NLGN2: variants seen among roughly 807,000 people sequenced by gnomAD.
NLGN2 encodes neuroligin 2.
A neutral mutation model predicts 48.6 loss-of-function variants in NLGN2; 11 were observed. That is an observed-to-expected ratio of 0.23 (90% CI 0.14 to 0.37). NLGN2 has a LOEUF of 0.37. NLGN2 is among the 10% of genes least tolerant of loss of function. The pLI is 1.00. For missense variants in NLGN2, 801 were observed against 1,225.2 expected (o/e 0.65, Z 5.17); for synonymous variants, 548 against 550.0 (o/e 1.00, Z 0.05).
Position 7,411,288 on chromosome 17 carries a change from G to A in NLGN2, c.458-869G>A, listed in dbSNP as rs1359144857. ...GGGGAGGCAGCGGCTGGTGGCCCTG[G>A]TGGGAAATTCACCATTTTGGGGGGA... On this transcript the variant is annotated intron_variant, in intron 1 of 6. Coordinates refer to ENST00000302926, the MANE Select transcript of NLGN2 (RefSeq NM_020795.4). This position sits in a 1 kb window ranked among gnomAD's most constrained non-coding sequence, Gnocchi z 4.5. 6.6e-6 allele frequency among the ~76,000 whole-genome samples: 1 copy of A among 152,202 alleles called. No individual in the cohort carries two copies. Among genetic ancestry groups the A allele is most frequent in the Non-Finnish European group, 1.5e-5 (1 of 68,020 alleles).
rs1323088074 is a variant in NLGN2, at chr17:7,411,129, G to C, written c.458-1028G>C. Among the ~76,000 whole-genome samples, 1 of 152,238 alleles carries C rather than the reference G, an allele frequency of 6.6e-6. No homozygotes were observed. Among genetic ancestry groups the C allele is most frequent in the Non-Finnish European group, 1.5e-5 (1 of 68,040 alleles). On this transcript the variant is annotated intron_variant, in intron 1 of 6. Coordinates refer to ENST00000302926, the MANE Select transcript of NLGN2 (RefSeq NM_020795.4). The surrounding 1 kb of genome is among the most constrained non-coding windows in gnomAD (Gnocchi z 4.5). ...AGAAGCCCTGACACTGGGCGAACCT[G>C]GTGCTCCCGGTACCTGCTGGCACCT...
chr17:7,406,653 CG>C (rs71157283), upstream of NLGN2, among the ~76,000 whole-genome samples: 627 of 90,186 alleles, frequency 7.0e-3, 3 homozygotes, highest in Middle Eastern at 0.02. Context: ...GGTGGGGGGG[CG>C]GGGGGGGGGC....
rs768323279 is a variant in NLGN2, at chr17:7,408,705, C to A, written c.450C>A (p.Thr150=). The change falls in exon 1 of 7, where the codon ACC becomes ACA. Residue 150 remains threonine, a synonymous_variant. Transcript: ENST00000302926. The surrounding 1 kb of genome is among the most constrained non-coding windows in gnomAD (Gnocchi z 7.5). ...DCLYLNLYVP[T]EDGPLTKKRD... is the part of the protein sequence containing the mutation. Reference sequence around the variant, plus strand: ...TGTACCTCAACCTCTACGTGCCCACCGAGGACGGTAAGGGCGCGGGCACAA... The same window carrying A: ...TGTACCTCAACCTCTACGTGCCCACAGAGGACGGTAAGGGCGCGGGCACAA... The A allele has an allele frequency of 1.6e-5, 26 of 1,612,818 alleles. No homozygotes were observed. Among genetic ancestry groups the A allele is most frequent in the Non-Finnish European group, 2.0e-5 (24 of 1,179,640 alleles).
In NLGN2 at chr17:7,417,640, GGCCCCCGGGGCCCTGAC is replaced by G; in HGVS notation, c.2350_2366del (p.Ala784ProfsTer208). ...GGGCACCGGACGATGTGCCTCTCTT[GGCCCCCGGGGCCCTGAC>G]CCTGCTGCCCAGTGGCCTGGGGCCA... is the stretch of plus-strand genomic sequence containing the variant. On this transcript the variant is annotated frameshift_variant, in exon 7 of 7. Coordinates refer to ENST00000302926, the MANE Select transcript of NLGN2 (RefSeq NM_020795.4). LOFTEE classifies it high-confidence loss of function. The G allele has an allele frequency of 1.4e-6, 2 of 1,404,530 alleles. No homozygotes were observed. The highest frequency in any genetic ancestry group is 1.5e-5 in the African/African-American group (1 of 65,990). The allele number at this position is 1,404,530 out of a possible 1,614,324, so 87.0% of individuals were successfully genotyped here.
chr17:7,412,893 T>TTATC, intron 2 of NLGN2, among the ~76,000 whole-genome samples: 1 of 103,854 alleles, frequency 9.6e-6, no homozygotes, highest in South Asian at 2.9e-4. Flanking sequence ...TTGGTTGTTT[T>TTATC]TTTCTTTCTT....
At position 7,413,540 on chromosome 17, in the gene NLGN2, C is replaced by T. The variant is rs1906980406; in HGVS notation, c.509-804C>T. Among the ~76,000 whole-genome samples the T allele has an allele frequency of 6.6e-6, 1 of 152,144 alleles. No homozygotes were observed. Among genetic ancestry groups the T allele is most frequent in the Non-Finnish European group, 1.5e-5 (1 of 68,018 alleles). On this transcript the variant is annotated intron_variant, in intron 2 of 6. Coordinates refer to ENST00000302926, the MANE Select transcript of NLGN2 (RefSeq NM_020795.4). The surrounding 1 kb of genome is among the most constrained non-coding windows in gnomAD (Gnocchi z 4.9). ...GGCAAGCACTCTCAGACTCCCACAT[C>T]CTCTGGAATTAGTCACCCTTCAGTC... is the stretch of plus-strand genomic sequence containing the variant.
At position 7,417,166 on chromosome 17, in the gene NLGN2, C is replaced by T. The variant is rs758643283; in HGVS notation, c.1875C>T (p.Tyr625=). The stretch of plus-strand genomic sequence containing the variant: ...CCACCACCACGCGCCTGCCTCCCTA[C>T]GCCACGCGCTGGCCGCCTCGTCCCC... ...LFTTTTRLPP[Y]ATRWPPRPPA... The change falls in exon 7 of 7, where the codon TAC becomes TAT. Residue 625 remains tyrosine (Y), a synonymous_variant. Coordinates refer to ENST00000302926, the MANE Select transcript of NLGN2 (RefSeq NM_020795.4). 2.3e-5 allele frequency: 37 copies of T among 1,597,210 alleles called. No homozygotes were observed. The highest frequency in any genetic ancestry group is 5.4e-5 in the African/African-American group (4 of 74,610).
Position 7,415,587 on chromosome 17 carries a change from G to A in NLGN2, c.1114G>A (p.Glu372Lys). ...DDPEILMQQG[E>K]FLNYDMLIGV... is the part of the protein sequence containing the mutation. ...CCCTGAGATCCTCATGCAGCAGGGA[G>A]AATTCCTCAACTACGACATGCTCAT... Residue 372 changes from glutamate (E) to lysine (K), a missense_variant, in exon 6 of 7, where the codon GAA becomes AAA. Glu to Lys is a moderately conservative substitution (Grantham distance 56, BLOSUM62 1). Transcript: ENST00000302926. The A allele has an allele frequency of 6.2e-7, 1 of 1,614,134 alleles. No homozygotes were observed. Among genetic ancestry groups the A allele is most frequent in the Non-Finnish European group, 8.5e-7 (1 of 1,179,948 alleles).
intron 1 of NLGN2, among the ~76,000 whole-genome samples, chr17:7,409,836 A>G (rs1906803305): frequency 6.6e-6 from 1 of 152,124 alleles, no homozygotes. Flanking sequence ...CCAGCACCCC[A>G]CAATCACAAT....
chr17:7,414,324 G>C lies in NLGN2; in HGVS notation c.509-20G>C, dbSNP rs929970422. ...TTGTCCCTGACCCCCTGGCCCACCTGCCCACCCCTCCCCACACAGATATCC... is the reference window on the plus strand; with the variant it reads ...TTGTCCCTGACCCCCTGGCCCACCTCCCCACCCCTCCCCACACAGATATCC... On this transcript the variant is annotated intron_variant, in intron 2 of 6. Transcript: ENST00000302926. 4 of 1,434,842 alleles carry C rather than the reference G, an allele frequency of 2.8e-6. No individual in the cohort carries two copies. In the Admixed American group the frequency reaches 6.8e-5, roughly 24 times the overall value. 88.9% of individuals were successfully genotyped at this position (1,434,842 alleles called of 1,614,324 possible).
rs560708292 is a variant in NLGN2, at chr17:7,412,026, C to A, written c.458-131C>A. On this transcript the variant is annotated intron_variant, in intron 1 of 6. Transcript: ENST00000302926. ...AACAAATTTTGCTTTTTTTTGGCTTCTTTTTTCTGCCTCCCCCACCCTCCC... is the reference window on the plus strand; with the variant it reads ...AACAAATTTTGCTTTTTTTTGGCTTATTTTTTCTGCCTCCCCCACCCTCCC... 321 of 548,340 alleles carry A rather than the reference C, an allele frequency of 5.9e-4. 1 individual carries two copies. Among genetic ancestry groups the A allele is most frequent in the Non-Finnish European group, 7.8e-4 (240 of 308,916 alleles). 34.0% of individuals were successfully genotyped at this position (548,340 alleles called of 1,614,324 possible). A position where few individuals can be genotyped will look rare whatever the true frequency, so the allele number is the denominator to read the frequency against.
intron 5 of NLGN2, 71 bp downstream of exon 5, chr17:7,415,219 G>A (rs1237333541): frequency 3.5e-6 from 5 of 1,421,278 alleles, no homozygotes; most frequent in Non-Finnish European, 4.7e-6. Flanking sequence ...GGTGCCTGTG[G>A]GCATACCATT....
At chr17:7,410,328 A>C (rs1906829088) in intron 1 of NLGN2, among the ~76,000 whole-genome samples, 1 of 151,580 alleles carries the variant, frequency 6.6e-6, no homozygotes, top group Non-Finnish European at 1.5e-5. Context: ...CCATACACAC[A>C]ATGCACAGAG....
chr17:7,417,808 T>C lies in NLGN2; in HGVS notation c.*9T>C, dbSNP rs773612833. On this transcript the variant is annotated 3_prime_UTR_variant, in exon 7 of 7. Transcript: ENST00000302926. ...CCACCACTCGGGTATAGGGGGTGGGTGGGGAGGCCCTCCTCCCCGGCCCTC... is the reference window on the plus strand; with the variant it reads ...CCACCACTCGGGTATAGGGGGTGGGCGGGGAGGCCCTCCTCCCCGGCCCTC... 1.5e-6 allele frequency: 2 copies of C among 1,316,930 alleles called. No individual in the cohort carries two copies. Among genetic ancestry groups the C allele is most frequent in the Admixed American group, 4.2e-5 (1 of 23,972 alleles). The allele number at this position is 1,316,930 out of a possible 1,614,324, so 81.6% of individuals were successfully genotyped here.
rs543832284 is a variant in NLGN2 at position 7,417,056 on chromosome 17, G to A, written c.1765G>A (p.Val589Met). ...TCTGCACATAGGCCTGAAGCCACGC[G>A]TGCGTGACAACTACCGCGCCAACAA... The part of the protein sequence containing the change: ...QYLHIGLKPR[V>M]RDNYRANKVA... The change falls in exon 7 of 7, where the codon GTG (valine) becomes ATG (methionine). Residue 589 changes from valine to methionine, a missense_variant. Around this residue, in one of 5 missense-constraint regions of NLGN2, gnomAD observed 303 missense variants for 600.1 expected, o/e 0.50. Transcript: ENST00000302926. 22 of 1,614,092 alleles carry A rather than the reference G, an allele frequency of 1.4e-5. No homozygotes were observed. Among genetic ancestry groups the A allele is most frequent in the South Asian group, 3.3e-5 (3 of 91,082 alleles).
Position 7,417,653 on chromosome 17 carries a change from C to T in NLGN2, c.2362C>T (p.Leu788=), listed in dbSNP as rs1315223794. 7.1e-7 allele frequency: 1 copy of T among 1,401,426 alleles called. No individual in the cohort carries two copies. Among genetic ancestry groups the T allele is most frequent in the Admixed American group, 3.2e-5 (1 of 31,558 alleles). 86.8% of individuals were successfully genotyped at this position (1,401,426 alleles called of 1,614,324 possible). The change falls in exon 7 of 7, where the codon CTG becomes TTG. Residue 788 remains leucine, a synonymous_variant. Transcript: ENST00000302926. The part of the protein sequence containing the change: ...DDVPLLAPGA[L]TLLPSGLGPP... ...TGTGCCTCTCTTGGCCCCCGGGGCC[C>T]TGACCCTGCTGCCCAGTGGCCTGGG... is the stretch of plus-strand genomic sequence containing the variant.
In NLGN2 at chr17:7,408,754, C is replaced by A; in HGVS notation, c.457+42C>A. 6.2e-7 allele frequency: 1 copy of A among 1,610,928 alleles called. No individual in the cohort carries two copies. Among genetic ancestry groups the A allele is most frequent in the Admixed American group, 1.7e-5 (1 of 59,948 alleles). Reference sequence around the variant, plus strand: ...AAAGCCGGGCACCCCGTGGACACAGCCCACAAACGCACATGCAGACCCTCA... The same window carrying A: ...AAAGCCGGGCACCCCGTGGACACAGACCACAAACGCACATGCAGACCCTCA... On this transcript the variant is annotated intron_variant, in intron 1 of 6. Coordinates refer to ENST00000302926, the MANE Select transcript of NLGN2 (RefSeq NM_020795.4). The surrounding 1 kb of genome is among the most constrained non-coding windows in gnomAD (Gnocchi z 7.5).
intron 6 of NLGN2, 43 bp from the exon 7 acceptor site, chr17:7,416,883 C>G: frequency 1.2e-6 from 2 of 1,608,050 alleles, no homozygotes; most frequent in African/African-American, 2.7e-5. Flanking sequence ...TCCTTCAGAG[C>G]CTTGCCCTCA....
Position 7,417,680 on chromosome 17 carries a change from C to T in NLGN2, c.2389C>T (p.Pro797Ser). The change falls in exon 7 of 7, where the codon CCA (proline) becomes TCA (serine). Residue 797 changes from proline to serine, a missense_variant. By Grantham distance (74) the Pro-to-Ser change is moderately conservative. Around this residue, in one of 5 missense-constraint regions of NLGN2, gnomAD observed 276 missense variants for 313.9 expected, o/e 0.88. Transcript: ENST00000302926. Reference protein sequence around the residue: ...ALTLLPSGLGPPPPPPPPSLH... With the variant: ...ALTLLPSGLGSPPPPPPPSLH... ...GACCCTGCTGCCCAGTGGCCTGGGG[C>T]CACCGCCACCCCCACCGCCCCCCTC... 2 of 1,144,374 alleles carry T rather than the reference C, an allele frequency of 1.7e-6. No homozygotes were observed. Among genetic ancestry groups the T allele is most frequent in the Non-Finnish European group, 1.1e-6 (1 of 887,036 alleles). 70.9% of individuals were successfully genotyped at this position (1,144,374 alleles called of 1,614,324 possible).
Sources: gnomAD v4.1 joint callset for allele counts (sites outside exome capture counted in the v4.1 genomes callset) on GRCh38, gnomAD v4.1.1 for gene constraint, gnomAD v4.1.1 regional missense constraint, Gnocchi (gnomAD v3.1) non-coding constraint, MANE v1.5 for transcripts, NCBI Gene and HGNC (gene_info 2026-07-23, HGNC 2026-07-21) for gene names.